Variants in MYRIP observed in about 807,000 individuals in gnomAD.
MYRIP encodes the protein rab effector MyRIP.
In MYRIP, 49 loss-of-function variants were observed where a neutral mutation model predicts 98.0. That is an observed-to-expected ratio of 0.50 (90% CI 0.40 to 0.63). MYRIP has a LOEUF of 0.63. Ranked by LOEUF, MYRIP falls within the 30% of genes least tolerant of loss-of-function variation. The pLI is 0.00. For synonymous variants in MYRIP, 404 were observed against 409.5 expected (o/e 0.99, Z 0.16); for missense variants, 1,004 against 1,058.2 (o/e 0.95, Z 0.71).
chr3:40,118,282 G>A (rs1949324672), intron 3 of MYRIP, among the ~76,000 whole-genome samples: 1 of 152,196 alleles, frequency 6.6e-6, no homozygotes, highest in African/African-American at 2.4e-5. Flanking sequence ...CAAATGGAAG[G>A]AAATTTTGCA....
intron 2 of MYRIP, among the ~76,000 whole-genome samples, chr3:39,979,046 C>T (rs1280094777): frequency 1.3e-5 from 2 of 152,062 alleles, no homozygotes; most frequent in African/African-American, 4.8e-5. Context: ...AGTGTTGACT[C>T]GTGAATGAAA....
At chr3:40,120,107 T>C (rs967314290) in intron 3 of MYRIP, among the ~76,000 whole-genome samples, 11 of 152,184 alleles carry the variant, frequency 7.2e-5, no homozygotes, top group Middle Eastern at 3.2e-3. Context: ...GTGGCAGATC[T>C]TATTAATTAA....
chr3:39,953,394 GT>G (rs1171400871), intron 2 of MYRIP, among the ~76,000 whole-genome samples: 1 of 152,130 alleles, frequency 6.6e-6, no homozygotes, highest in Non-Finnish European at 1.5e-5. Flanking sequence ...AACTGGCTGA[GT>G]TTTTTGATCT....
chr3:39,820,762 C>T (rs1344418276), intron 1 of MYRIP, among the ~76,000 whole-genome samples: 1 of 152,196 alleles, frequency 6.6e-6, no homozygotes, highest in Non-Finnish European at 1.5e-5. Flanking sequence ...AATTTTTCAG[C>T]TCTGTGGTCC....
chr3:40,037,452 T>C (rs1174869369), intron 2 of MYRIP, among the ~76,000 whole-genome samples: 2 of 152,062 alleles, frequency 1.3e-5, no homozygotes, highest in African/African-American at 4.8e-5. Context: ...CTTAGTGGGT[T>C]TGGGGTCTGG....
intron 10 of MYRIP, among the ~76,000 whole-genome samples, chr3:40,199,495 C>T (rs1488177292): frequency 6.6e-6 from 1 of 152,144 alleles, no homozygotes; most frequent in Non-Finnish European, 1.5e-5. Context: ...CTGACAAGTG[C>T]TTGTGAGGCA....
chr3:40,072,965 G>A (rs1559388517), intron 3 of MYRIP, among the ~76,000 whole-genome samples: 1 of 152,166 alleles, frequency 6.6e-6, no homozygotes, highest in Non-Finnish European at 1.5e-5. Context: ...TTTAATCTAT[G>A]TGTTGCATCA....
At chr3:40,087,642 C>T (rs1482780502) in intron 3 of MYRIP, among the ~76,000 whole-genome samples, 3 of 152,134 alleles carry the variant, frequency 2.0e-5, no homozygotes, top group Non-Finnish European at 4.4e-5. Context: ...GTAGTGTTTG[C>T]CGATTTCCAC....
At chr3:40,232,772 C>T (rs1952698275) in intron 11 of MYRIP, 1 of 152,114 alleles carries the variant, frequency 6.6e-6, no homozygotes, top group Non-Finnish European at 1.5e-5. Flanking sequence ...TGACATTGGC[C>T]CAAATCCGGG....
At position 39,981,334 on chromosome 3, in the gene MYRIP, C is replaced by T. The variant is rs187712033; in HGVS notation, c.111-62716C>T. ...ATTCTTCCCTGTTACATCTGCCTTT[C>T]TTTCTGCATTTAGGTCTGTCTCTTA... On this transcript the variant is annotated intron_variant, in intron 2 of 16. Coordinates refer to ENST00000302541, the MANE Select transcript of MYRIP (RefSeq NM_015460.4). Among the ~76,000 whole-genome samples the T allele has an allele frequency of 3.7e-3, 570 of 152,300 alleles. 1 individual carries two copies. Among genetic ancestry groups the T allele is most frequent in the Non-Finnish European group, 6.1e-3 (416 of 68,020 alleles).
intron 2 of MYRIP, among the ~76,000 whole-genome samples, chr3:40,025,384 G>A (rs1947101843): frequency 6.6e-6 from 1 of 151,896 alleles, no homozygotes; most frequent in Non-Finnish European, 1.5e-5. Context: ...CACCGTCAGG[G>A]GCAGCAAAAT....
chr3:40,233,835 C>T lies in MYRIP; in HGVS notation c.1906-24C>T, dbSNP rs762371437. On this transcript the variant is annotated intron_variant, in intron 11 of 16. Transcript: ENST00000302541. ...TAATGTGCTGTTCTTGTCTTCTGTC[C>T]CCTTCTGTTATCGGACCAAACAGAA... 15 of 1,601,582 alleles carry T rather than the reference C, an allele frequency of 9.4e-6. No homozygotes were observed. In the East Asian group the frequency reaches 3.4e-4, roughly 36 times the overall value.
rs58712660 is a variant in MYRIP, at chr3:40,139,641, A to G, written c.333-11407A>G. 3.1e-3 allele frequency among the ~76,000 whole-genome samples: 467 copies of G among 152,242 alleles called. 1 individual carries two copies. The highest frequency in any genetic ancestry group is 0.011 in the African/African-American group (445 of 41,548). On this transcript the variant is annotated intron_variant, in intron 3 of 16. Transcript: ENST00000302541. ...GTTGCCCAGGCTGTTGTGCAGTGGC[A>G]CAATCATAGCTCACTGCCACTTCAA...
chr3:40,183,505 A>G (rs950959931), intron 9 of MYRIP, among the ~76,000 whole-genome samples: 2 of 152,200 alleles, frequency 1.3e-5, no homozygotes, highest in Non-Finnish European at 2.9e-5. Context: ...TCATTTTCCT[A>G]AAGTCTCACA....
chr3:40,238,093 GCTCCC>G (rs1483860002), intron 12 of MYRIP, among the ~76,000 whole-genome samples: 1 of 152,198 alleles, frequency 6.6e-6, no homozygotes, highest in East Asian at 1.9e-4. Context: ...GTAGATGACT[GCTCCC>G]CTCTTCTGCA....
At chr3:40,088,782 C>T (rs1218622580) in intron 3 of MYRIP, among the ~76,000 whole-genome samples, 1 of 152,222 alleles carries the variant, frequency 6.6e-6, no homozygotes, top group Admixed American at 6.5e-5. Flanking sequence ...GTAGGATTAT[C>T]TTGAGAACAG....
chr3:39,857,978 A>G (rs1004985144), intron 1 of MYRIP, among the ~76,000 whole-genome samples: 1 of 152,176 alleles, frequency 6.6e-6, no homozygotes, highest in African/African-American at 2.4e-5. Flanking sequence ...AAAGAGAGAA[A>G]CAAAGGAACT....
chr3:40,158,863 A>T (rs1950308911), intron 4 of MYRIP, among the ~76,000 whole-genome samples: 1 of 150,060 alleles, frequency 6.7e-6, no homozygotes, highest in African/African-American at 2.5e-5. Context: ...ATCTTCCTCC[A>T]TCCTTTTATT....
intron 7 of MYRIP, among the ~76,000 whole-genome samples, chr3:40,168,742 G>C (rs1950549878): frequency 6.6e-6 from 1 of 152,176 alleles, no homozygotes. Context: ...TAAGGCCAAG[G>C]CTTAGCTCTA....
Sources: gnomAD v4.1 joint callset for allele counts (sites outside exome capture counted in the v4.1 genomes callset) on GRCh38, gnomAD v4.1.1 for gene constraint, MANE v1.5 for transcripts, NCBI Gene and HGNC (gene_info 2026-07-23, HGNC 2026-07-21) for gene names.